PPP2R5E: variants seen among roughly 807,000 people sequenced by gnomAD.
PPP2R5E encodes the protein protein phosphatase 2 regulatory subunit B'epsilon, also known as serine/threonine-protein phosphatase 2A 56 kDa regulatory subunit epsilon isoform.
Under a neutral mutation model 65.3 loss-of-function variants are expected in PPP2R5E, and 4 were observed. That is an observed-to-expected ratio of 0.06 (90% CI 0.03 to 0.14). PPP2R5E has a LOEUF of 0.14. PPP2R5E is among the 10% of genes least tolerant of loss of function. PPP2R5E has a pLI of 1.00. For synonymous variants in PPP2R5E, 183 were observed against 187.4 expected, an observed-to-expected ratio of 0.98 and a Z score of 0.19; for missense variants, 274 against 556.1, an observed-to-expected ratio of 0.49 and a Z score of 5.10.
At chr14:63,526,628 A>G (rs1416526340) in intron 2 of PPP2R5E, among the ~76,000 whole-genome samples, 2 of 152,028 alleles carry the variant, frequency 1.3e-5, no homozygotes, top group Non-Finnish European at 2.9e-5. Flanking sequence ...ATCTTGGCTC[A>G]CTGCTGCAGC....
intron 6 of PPP2R5E, among the ~76,000 whole-genome samples, chr14:63,395,537 A>G (rs1402192347): frequency 5.3e-5 from 1 of 18,916 alleles, no homozygotes. Flanking sequence ...GGAGGAGAGG[A>G]GGGAAGAGAG....
chr14:63,378,114 G>A (rs1046040811), intron 13 of PPP2R5E, among the ~76,000 whole-genome samples: 1 of 152,160 alleles, frequency 6.6e-6, no homozygotes, highest in Non-Finnish European at 1.5e-5. Flanking sequence ...TAATTATGAG[G>A]TCTAAATCAA....
chr14:63,531,390 G>GT (rs1893428724), intron 2 of PPP2R5E, among the ~76,000 whole-genome samples: 1 of 151,190 alleles, frequency 6.6e-6, no homozygotes, highest in African/African-American at 2.4e-5. Context: ...GCGGTGTTTG[G>GT]TTTTTTGTCC....
At chr14:63,477,380 T>A (rs1032158187) in intron 2 of PPP2R5E, among the ~76,000 whole-genome samples, 3 of 152,192 alleles carry the variant, frequency 2.0e-5, no homozygotes, top group Admixed American at 2.0e-4. Context: ...TTATTGATCC[T>A]TGATAGTCAG....
chr14:63,462,426 A>G (rs907830158), intron 2 of PPP2R5E, among the ~76,000 whole-genome samples: 1 of 152,188 alleles, frequency 6.6e-6, no homozygotes, highest in African/African-American at 2.4e-5. Context: ...CTGCAATTGT[A>G]AAGGAAGAGC....
intron 5 of PPP2R5E, 111 bp from the exon 6 acceptor site, chr14:63,396,827 CTA>C: frequency 3.0e-6 from 4 of 1,337,060 alleles, no homozygotes; most frequent in Non-Finnish European, 4.1e-6. Flanking sequence ...TGTTGAATAT[CTA>C]TTATGTGCCA....
chr14:63,518,929 A>G (rs1240165006), intron 2 of PPP2R5E, among the ~76,000 whole-genome samples: 1 of 152,088 alleles, frequency 6.6e-6, no homozygotes, highest in Non-Finnish European at 1.5e-5. Flanking sequence ...AATAAAAAAA[A>G]TAAAAGAGGC....
intron 2 of PPP2R5E, among the ~76,000 whole-genome samples, chr14:63,491,549 TATTAAA>T: frequency 6.6e-6 from 1 of 152,276 alleles, no homozygotes; most frequent in East Asian, 1.9e-4. Context: ...GAAAGTATAT[TATTAAA>T]ATTAATTTCA....
intron 3 of PPP2R5E, among the ~76,000 whole-genome samples, chr14:63,422,623 G>A (rs192303324): frequency 2.3e-4 from 35 of 151,788 alleles, no homozygotes; most frequent in Non-Finnish European, 4.7e-4. Flanking sequence ...CTATGCGGGA[G>A]GCTGAGGCAG....
At chr14:63,478,563 A>C (rs1402558445) in intron 2 of PPP2R5E, among the ~76,000 whole-genome samples, 1 of 148,728 alleles carries the variant, frequency 6.7e-6, no homozygotes, top group Non-Finnish European at 1.5e-5. Flanking sequence ...GCAACAGTAC[A>C]GGTAATGCAG....
intron 2 of PPP2R5E, among the ~76,000 whole-genome samples, chr14:63,509,616 C>A (rs950307188): frequency 6.6e-6 from 1 of 152,096 alleles, no homozygotes; most frequent in African/African-American, 2.4e-5. Flanking sequence ...TTCACTAAAC[C>A]AGACTGCCCC....
At chr14:63,507,312 A>G (rs923084570) in intron 2 of PPP2R5E, among the ~76,000 whole-genome samples, 15 of 152,134 alleles carry the variant, frequency 9.9e-5, no homozygotes, top group Admixed American at 8.5e-4. Context: ...GGCCCCTTCT[A>G]AAGACCTCTC....
intron 5 of PPP2R5E, among the ~76,000 whole-genome samples, chr14:63,408,679 T>C (rs1339218821): frequency 1.3e-5 from 2 of 152,252 alleles, no homozygotes; most frequent in East Asian, 1.9e-4. Flanking sequence ...GGAGATTATA[T>C]AGACATCTTT....
chr14:63,464,751 G>C (rs763116787), intron 2 of PPP2R5E, among the ~76,000 whole-genome samples: 41 of 152,160 alleles, frequency 2.7e-4, no homozygotes, highest in Non-Finnish European at 5.6e-4. Context: ...GCCAGGCACG[G>C]TGGCTCATGC....
rs1409177666 is a variant in PPP2R5E, at chr14:63,407,545, T to C, written c.549+7595A>G. Among the ~76,000 whole-genome samples, 4 of 125,456 alleles carry C rather than the reference T, an allele frequency of 3.2e-5. No homozygotes were observed. The East Asian group carries it at 7.3e-4, about 23-fold the overall frequency. 82.3% of individuals were successfully genotyped at this position (125,456 alleles called of 152,430 possible). A position where few individuals can be genotyped will look rare whatever the true frequency, so the allele number is the denominator to read the frequency against. ...TTATTCTTATTGATTACAACATATA[T>C]GCTTATTTTTTTTATATAAAAAATA... On this transcript the variant is annotated intron_variant, in intron 5 of 13. Coordinates refer to ENST00000337537, the MANE Select transcript of PPP2R5E (RefSeq NM_006246.5).
chr14:63,536,891 T>C (rs1893689267), intron 2 of PPP2R5E, among the ~76,000 whole-genome samples: 1 of 152,184 alleles, frequency 6.6e-6, no homozygotes, highest in Non-Finnish European at 1.5e-5. Flanking sequence ...AGTCAGTGTT[T>C]AACAGGTACA....
chr14:63,515,470 C>T (rs1216450180), intron 2 of PPP2R5E, among the ~76,000 whole-genome samples: 2 of 152,164 alleles, frequency 1.3e-5, no homozygotes, highest in African/African-American at 4.8e-5. Flanking sequence ...CCTTGGTTTC[C>T]CTCATTATAT....
chr14:63,537,207 AGT>A (rs1281465374), intron 2 of PPP2R5E, among the ~76,000 whole-genome samples: 1 of 151,484 alleles, frequency 6.6e-6, no homozygotes, highest in Non-Finnish European at 1.5e-5. Flanking sequence ...CCAAGAAATT[AGT>A]GTAAGTTTTT....
intron 4 of PPP2R5E, among the ~76,000 whole-genome samples, chr14:63,421,376 G>A (rs1887012790): frequency 6.6e-6 from 1 of 152,122 alleles, no homozygotes; most frequent in African/African-American, 2.4e-5. Context: ...AATACAGATG[G>A]CTCTAATGCT....
Sources: allele counts gnomAD v4.1 joint callset (sites outside exome capture counted in the v4.1 genomes callset), GRCh38; gene constraint gnomAD v4.1.1; transcripts MANE v1.5; gene names NCBI Gene and HGNC (gene_info 2026-07-23, HGNC 2026-07-21).